VPS13B: variants seen among roughly 807,000 people sequenced by gnomAD.
VPS13B encodes the protein vacuolar protein sorting 13 homolog B, also known as intermembrane lipid transfer protein VPS13B.
Under a neutral mutation model 426.4 loss-of-function variants are expected in VPS13B, and 285 were observed. The ratio of observed to expected loss-of-function variants is 0.67; its 90% CI spans 0.61 to 0.74. The LOEUF (loss-of-function observed/expected upper bound fraction) is 0.74, where lower values mean the gene tolerates loss of function less well. Ranked by LOEUF, VPS13B falls within the 30% of genes least tolerant of loss-of-function variation. The pLI is 0.00. For synonymous variants in VPS13B, 1,676 were observed against 1,676.4 expected (o/e 1.00, Z 0.01); for missense variants, 4,537 against 4,782.6 (o/e 0.95, Z 1.51).
chr8:99,039,896 T>G (rs764030738), intron 3 of VPS13B, among the ~76,000 whole-genome samples: 38 of 152,160 alleles, frequency 2.5e-4, no homozygotes, highest in Non-Finnish European at 2.9e-4. Flanking sequence ...AAAAGTTACT[T>G]TGTGAACTTC....
intron 3 of VPS13B, among the ~76,000 whole-genome samples, chr8:99,060,781 A>G (rs1367826972): frequency 1.3e-5 from 2 of 151,982 alleles, no homozygotes; most frequent in African/African-American, 4.8e-5. Flanking sequence ...CATAAGTGAA[A>G]CTTTTTGGAA....
intron 15 of VPS13B, among the ~76,000 whole-genome samples, chr8:99,163,298 C>T (rs1472246251): frequency 5.3e-5 from 8 of 152,264 alleles, no homozygotes; most frequent in Admixed American, 5.2e-4. Context: ...TAAAGACTCT[C>T]CACATCCCCA....
intron 19 of VPS13B, among the ~76,000 whole-genome samples, chr8:99,373,370 CA>C (rs1490046200): frequency 6.7e-6 from 1 of 149,804 alleles, no homozygotes; most frequent in Admixed American, 6.6e-5. Context: ...TTTTCATTGT[CA>C]AAGCTGTCTA....
intron 25 of VPS13B, among the ~76,000 whole-genome samples, chr8:99,496,938 C>T (rs901863933): frequency 6.6e-6 from 1 of 150,894 alleles, no homozygotes; most frequent in Non-Finnish European, 1.5e-5. Flanking sequence ...TTCATTTTAA[C>T]TTTTTCTGTG....
In VPS13B at chr8:99,642,514, C is replaced by T. The variant is rs1829410133; in HGVS notation, c.5908+16C>T. 6.3e-7 allele frequency: 1 copy of T among 1,597,904 alleles called. No individual in the cohort carries two copies. Among genetic ancestry groups the T allele is most frequent in the African/African-American group, 1.3e-5 (1 of 74,648 alleles). On this transcript the variant is annotated intron_variant, in intron 34 of 61. Coordinates refer to ENST00000357162, the MANE Select transcript of VPS13B (RefSeq NM_152564.5). ...AAATGTATAGGTAAGAACCTTCAAA[C>T]TTACTGGAGTGCTAATAATTACTAT...
At chr8:99,657,805 G>A (rs1013386884) in intron 34 of VPS13B, among the ~76,000 whole-genome samples, 5 of 151,906 alleles carry the variant, frequency 3.3e-5, no homozygotes, top group Admixed American at 6.6e-5. Flanking sequence ...TACTAAAGAC[G>A]GCCTTCCTGA....
At chr8:99,082,945 G>T (rs542898674) in intron 3 of VPS13B, among the ~76,000 whole-genome samples, 77 of 152,268 alleles carry the variant, frequency 5.1e-4, no homozygotes, top group African/African-American at 1.8e-3. Flanking sequence ...GGCAATGCGG[G>T]CTCTTTTTTG....
At chr8:99,280,985 C>G (rs1167738799) in intron 19 of VPS13B, among the ~76,000 whole-genome samples, 1 of 152,142 alleles carries the variant, frequency 6.6e-6, no homozygotes, top group Non-Finnish European at 1.5e-5. Flanking sequence ...AGACAAGTCT[C>G]TATAGCAGTG....
chr8:99,040,083 A>G (rs1318316938), intron 3 of VPS13B, among the ~76,000 whole-genome samples: 1 of 151,956 alleles, frequency 6.6e-6, no homozygotes, highest in African/African-American at 2.4e-5. Context: ...AGTGTTCCAT[A>G]TTAAAAGAGA....
chr8:99,193,518 A>G (rs531920770), intron 17 of VPS13B, among the ~76,000 whole-genome samples: 1 of 152,062 alleles, frequency 6.6e-6, no homozygotes, highest in Non-Finnish European at 1.5e-5. Flanking sequence ...TAAAAATACA[A>G]ATTTCTGCTT....
At chr8:99,157,135 CT>C (rs375741144) in intron 15 of VPS13B, among the ~76,000 whole-genome samples, 2 of 152,068 alleles carry the variant, frequency 1.3e-5, no homozygotes, top group African/African-American at 4.8e-5. Flanking sequence ...GGGCCTAAAA[CT>C]TTTTTATGTC....
chr8:99,345,499 C>T (rs1204868286), intron 19 of VPS13B, among the ~76,000 whole-genome samples: 4 of 152,068 alleles, frequency 2.6e-5, no homozygotes, highest in Non-Finnish European at 4.4e-5. Flanking sequence ...TTCACATATA[C>T]ACATTGTTAT....
At position 99,192,932 on chromosome 8, in the gene VPS13B, C is replaced by G. The variant is rs755725532; in HGVS notation, c.2390C>G (p.Thr797Arg). The G allele has an allele frequency of 6.2e-6, 10 of 1,613,616 alleles. No homozygotes were observed. Among genetic ancestry groups the G allele is most frequent in the Non-Finnish European group, 8.5e-6 (10 of 1,179,792 alleles). ...TEGIFELPNL[T>R]IQATRAQTLL... ...GGTATATTTGAACTTCCAAATCTCA[C>G]AATTCAAGCTACAAGAGCACAGACA... Residue 797 changes from threonine (T) to arginine (R), a missense_variant, in exon 17 of 62, where the codon ACA (threonine) becomes AGA (arginine). Thr to Arg is a moderately conservative substitution (Grantham distance 71, BLOSUM62 -1). Transcript: ENST00000357162.
intron 19 of VPS13B, among the ~76,000 whole-genome samples, chr8:99,311,967 C>A (rs1208320480): frequency 6.6e-6 from 1 of 152,114 alleles, no homozygotes; most frequent in Non-Finnish European, 1.5e-5. Context: ...GGTTTAAAGT[C>A]TGTTTTATCA....
intron 17 of VPS13B, among the ~76,000 whole-genome samples, chr8:99,270,560 T>C (rs553596606): frequency 6.6e-6 from 1 of 152,330 alleles, no homozygotes; most frequent in East Asian, 1.9e-4. Flanking sequence ...TTTTGGAAAC[T>C]GTAAAAGAAG....
Position 99,060,199 on chromosome 8 carries a change from A to G in VPS13B, c.291+21633A>G, listed in dbSNP as rs535314520. ...TGTTCCCTGAGAGTTTGGGAACACA[A>G]GAAATCATGGTTTCTTGAACTTCAG... On this transcript the variant is annotated intron_variant, in intron 3 of 61. Transcript: ENST00000357162. Among the ~76,000 whole-genome samples the G allele has an allele frequency of 9.2e-5, 14 of 152,346 alleles. No individual in the cohort carries two copies. In the South Asian group the frequency reaches 1.2e-3, roughly 14 times the overall value.
intron 42 of VPS13B, among the ~76,000 whole-genome samples, chr8:99,781,908 C>T (rs1024086423): frequency 2.8e-4 from 42 of 152,120 alleles, no homozygotes; most frequent in Middle Eastern, 6.8e-3. Context: ...AAAATGTTTA[C>T]AAGTAGAGCA....
chr8:99,314,690 A>T (rs141415370), intron 19 of VPS13B, among the ~76,000 whole-genome samples: 1 of 151,236 alleles, frequency 6.6e-6, no homozygotes, highest in Non-Finnish European at 1.5e-5. Flanking sequence ...GCCTCATGCA[A>T]TCCTCCTGCC....
intron 17 of VPS13B, among the ~76,000 whole-genome samples, chr8:99,220,800 T>A (rs1034777829): frequency 1.7e-4 from 23 of 132,866 alleles, no homozygotes; most frequent in Admixed American, 1.3e-3. Flanking sequence ...TTTTTTTTTT[T>A]ATTATACTCT....
Sources: allele counts gnomAD v4.1 joint callset (sites outside exome capture counted in the v4.1 genomes callset), GRCh38; gene constraint gnomAD v4.1.1; transcripts MANE v1.5; gene names NCBI Gene and HGNC (gene_info 2026-07-23, HGNC 2026-07-21).